The following PDILT variants were observed in gnomAD, a reference collection of about 807,000 sequenced individuals.
The protein encoded by PDILT is protein disulfide isomerase like, testis expressed.
In PDILT, 43 loss-of-function variants were observed where a neutral mutation model predicts 53.7. The observed-to-expected ratio is 0.80, with a 90% confidence interval of 0.63 to 1.03. The LOEUF (loss-of-function observed/expected upper bound fraction) is 1.03. Ranked by LOEUF, PDILT falls within the 50% of genes least tolerant of loss-of-function variation. The pLI, the probability that PDILT is intolerant of heterozygous loss-of-function variation, is 0.00. For synonymous variants in PDILT, 282 were observed against 274.2 expected, an observed-to-expected ratio of 1.03 and a Z score of -0.28; for missense variants, 727 against 712.3, an observed-to-expected ratio of 1.02 and a Z score of -0.24.
At chr16:20,404,430 G>A (rs1407866918) in intron 1 of PDILT, 66 bp downstream of exon 1, 1 of 152,132 alleles carries the variant, frequency 6.6e-6, no homozygotes, top group African/African-American at 2.4e-5. Flanking sequence ...GGTGACTCCT[G>A]GTAGAGAAAA....
chr16:20,397,056 C>T (rs1470168740), intron 2 of PDILT, among the ~76,000 whole-genome samples: 1 of 152,236 alleles, frequency 6.6e-6, no homozygotes, highest in Admixed American at 6.5e-5. Context: ...TATTACGCAT[C>T]AGTCACTGTG....
chr16:20,378,739 T>C (rs1051343010), intron 3 of PDILT, among the ~76,000 whole-genome samples: 6 of 152,220 alleles, frequency 3.9e-5, no homozygotes, highest in Non-Finnish European at 5.9e-5. Flanking sequence ...TTGCTGAGAA[T>C]GATGACTTCC....
chr16:20,372,513 C>T (rs1966321347), intron 7 of PDILT, among the ~76,000 whole-genome samples: 1 of 152,184 alleles, frequency 6.6e-6, no homozygotes, highest in Admixed American at 6.5e-5. Context: ...ATCAAAAAAG[C>T]AGGCAAGCCT....
chr16:20,374,440 C>G (rs1966353956), intron 5 of PDILT, among the ~76,000 whole-genome samples: 1 of 151,942 alleles, frequency 6.6e-6, no homozygotes, highest in Non-Finnish European at 1.5e-5. Context: ...TGGGCTTAGC[C>G]ATTTTGAGAT....
rs1334147942 is a variant in PDILT at position 20,359,378 on chromosome 16, C to T, written c.1696G>A (p.Ala566Thr). Residue 566 changes from alanine to threonine, a missense_variant, in exon 12 of 12, where the codon GCT becomes ACT. Ala to Thr is a moderately conservative substitution (Grantham distance 58). Coordinates refer to ENST00000302451, the MANE Select transcript of PDILT (RefSeq NM_174924.2). Reference sequence around the variant, plus strand: ...TGCACTGGAGGTCCCTTTGGCTTAGCCACCACCACCACCACCTCCTCAGAT... The same window carrying T: ...TGCACTGGAGGTCCCTTTGGCTTAGTCACCACCACCACCACCTCCTCAGAT... ...KTSEEVVVVVAKPKGPPVQKK... is the reference protein window; with the variant it reads ...KTSEEVVVVVTKPKGPPVQKK... 6.2e-7 allele frequency: 1 copy of T among 1,612,882 alleles called. No homozygotes were observed. The highest frequency in any genetic ancestry group is 8.5e-7 in the Non-Finnish European group (1 of 1,179,122).
chr16:20,361,756 T>G (rs1001338322), intron 10 of PDILT, among the ~76,000 whole-genome samples: 3 of 152,170 alleles, frequency 2.0e-5, no homozygotes, highest in Non-Finnish European at 4.4e-5. Context: ...TAACCTGATT[T>G]AAGTCCCCAC....
At chr16:20,387,346 A>C (rs561427970) in intron 2 of PDILT, among the ~76,000 whole-genome samples, 1 of 152,348 alleles carries the variant, frequency 6.6e-6, no homozygotes, top group Admixed American at 6.5e-5. Flanking sequence ...ATGGAAAGAA[A>C]TGAGAGCGCA....
chr16:20,377,122 CA>C (rs1596587369), intron 3 of PDILT, among the ~76,000 whole-genome samples: 1 of 152,046 alleles, frequency 6.6e-6, no homozygotes, highest in Admixed American at 6.5e-5. Flanking sequence ...CTCAGCTCTA[CA>C]AAAAACAAAA....
intron 9 of PDILT, 91 bp from the exon 10 acceptor site, chr16:20,362,673 G>C (rs1468738600): frequency 1.6e-6 from 2 of 1,286,404 alleles, no homozygotes; most frequent in African/African-American, 3.0e-5. Flanking sequence ...TGTTCCACTT[G>C]TGGTCCTGCT....
chr16:20,404,391 C>A (rs764875473), intron 1 of PDILT, 105 bp downstream of exon 1: 4 of 152,170 alleles, frequency 2.6e-5, no homozygotes, highest in African/African-American at 4.8e-5. Flanking sequence ...GCCATCTATA[C>A]ACCAAAACTG....
At chr16:20,363,846 G>C (rs9921327) in intron 9 of PDILT, among the ~76,000 whole-genome samples, 20 of 151,860 alleles carry the variant, frequency 1.3e-4, no homozygotes, top group Non-Finnish European at 2.9e-5. Flanking sequence ...TGGTCTTTGA[G>C]TGTGGTCCAG....
At position 20,391,985 on chromosome 16, in the gene PDILT, G is replaced by C. The variant is rs538251663; in HGVS notation, c.202+7114C>G. Among the ~76,000 whole-genome samples, 17 of 152,008 alleles carry C rather than the reference G, an allele frequency of 1.1e-4. No homozygotes were observed. The South Asian group carries it at 2.1e-3, about 19-fold the overall frequency. On this transcript the variant is annotated intron_variant, in intron 2 of 11. Transcript: ENST00000302451. ...CCTTAGCTACTGAATGACCTGATCA[G>C]ATTTGCATTTTAGAGGAAGTCTCTC... is the stretch of plus-strand genomic sequence containing the variant.
intron 10 of PDILT, among the ~76,000 whole-genome samples, chr16:20,362,148 C>G (rs1269434314): frequency 1.3e-5 from 2 of 152,240 alleles, no homozygotes; most frequent in Non-Finnish European, 2.9e-5. Flanking sequence ...GCCTGCCCAT[C>G]AAAACACCCA....
intron 3 of PDILT, among the ~76,000 whole-genome samples, chr16:20,377,782 A>G (rs575859390): frequency 5.9e-5 from 9 of 152,024 alleles, no homozygotes; most frequent in African/African-American, 1.7e-4. Context: ...GTGAAACCCC[A>G]TCTCTACTAA....
At chr16:20,396,684 A>G (rs974655097) in intron 2 of PDILT, among the ~76,000 whole-genome samples, 1 of 152,246 alleles carries the variant, frequency 6.6e-6, no homozygotes, top group Non-Finnish European at 1.5e-5. Flanking sequence ...TCTCCACTTC[A>G]GAGCACCCAA....
At chr16:20,390,542 A>G (rs1362792976) in intron 2 of PDILT, 2 of 152,052 alleles carry the variant, frequency 1.3e-5, no homozygotes, top group Admixed American at 6.6e-5. Context: ...ATTTTTCTCC[A>G]TAGTACTTTT....
At chr16:20,372,290 A>G (rs1966318529) in intron 7 of PDILT, among the ~76,000 whole-genome samples, 1 of 152,230 alleles carries the variant, frequency 6.6e-6, no homozygotes, top group African/African-American at 2.4e-5. Context: ...AAACTCACCT[A>G]AGACAGTGTA....
chr16:20,393,627 A>T (rs774704811), intron 2 of PDILT, among the ~76,000 whole-genome samples: 3 of 152,234 alleles, frequency 2.0e-5, no homozygotes, highest in Non-Finnish European at 4.4e-5. Flanking sequence ...TTCCTCATTT[A>T]AGTGGCACCA....
intron 8 of PDILT, among the ~76,000 whole-genome samples, chr16:20,368,000 A>C (rs1236048144): frequency 6.6e-6 from 1 of 152,172 alleles, no homozygotes; most frequent in East Asian, 1.9e-4. Context: ...AGAGCAATGA[A>C]TGATGGAATG....
Sources: gnomAD v4.1 joint callset for allele counts (sites outside exome capture counted in the v4.1 genomes callset) on GRCh38, gnomAD v4.1.1 for gene constraint, MANE v1.5 for transcripts, NCBI Gene and HGNC (gene_info 2026-07-23, HGNC 2026-07-21) for gene names.